The following MRTFA variants were observed in gnomAD, a reference collection of about 807,000 sequenced individuals.
The protein encoded by MRTFA is myocardin related transcription factor A.
Under a neutral mutation model 83.5 loss-of-function variants are expected in MRTFA, and 20 were observed. The observed-to-expected ratio is 0.24, with a 90% CI of 0.17 to 0.35. The LOEUF is 0.35. MRTFA is among the 10% of genes least tolerant of loss of function. The probability of loss-of-function intolerance (pLI) is 1.00; values close to 1 mark genes in which losing one functional copy is unlikely to be tolerated. For synonymous variants in MRTFA, 659 were observed against 541.2 expected (o/e 1.22, Z -3.02); for missense variants, 1,200 against 1,224.7 (o/e 0.98, Z 0.30).
At chr22:40,586,884 AGTGCTGCTGGTGCTGCTG>A (rs71328719) in intron 2 of MRTFA, 27 of 418,868 alleles carry the variant, frequency 6.4e-5, no homozygotes, top group South Asian at 1.2e-4. Flanking sequence ...TTTGGCCTCT[AGTGCTGCTGGTGCTGCTG>A]GTGCTGCTGG....
At chr22:40,477,713 A>G (rs146322984) in intron 3 of MRTFA, among the ~76,000 whole-genome samples, 3 of 152,150 alleles carry the variant, frequency 2.0e-5, no homozygotes, top group African/African-American at 7.2e-5. Flanking sequence ...AAATGATCTT[A>G]TATCAAGCCA....
At chr22:40,631,290 C>G (rs1240186710) in intron 1 of MRTFA, among the ~76,000 whole-genome samples, 1 of 152,182 alleles carries the variant, frequency 6.6e-6, no homozygotes, top group Non-Finnish European at 1.5e-5. Flanking sequence ...TTCACCCAGT[C>G]AGTTCTACGC....
intron 2 of MRTFA, among the ~76,000 whole-genome samples, chr22:40,574,020 G>A (rs917170093): frequency 1.3e-5 from 2 of 152,062 alleles, no homozygotes; most frequent in Non-Finnish European, 2.9e-5. Flanking sequence ...AAAATCCTGG[G>A]ATTACAGGGA....
intron 3 of MRTFA, among the ~76,000 whole-genome samples, chr22:40,488,780 C>A (rs2054217206): frequency 6.6e-6 from 1 of 151,680 alleles, no homozygotes; most frequent in Non-Finnish European, 1.5e-5. Context: ...TTGCAGTGAG[C>A]CAAGATGGCG....
chr22:40,459,824 T>TATATAA (rs2053672050), intron 4 of MRTFA, among the ~76,000 whole-genome samples: 1 of 56,396 alleles, frequency 1.8e-5, no homozygotes, highest in South Asian at 7.2e-4. Context: ...CACACACACA[T>TATATAA]ATATACATAT....
In MRTFA at chr22:40,416,743, T is replaced by C. The variant is rs1338812121; in HGVS notation, c.2578+243A>G. 6.6e-6 allele frequency among the ~76,000 whole-genome samples: 1 copy of C among 152,240 alleles called. No homozygotes were observed. Among genetic ancestry groups the C allele is most frequent in the African/African-American group, 2.4e-5 (1 of 41,466 alleles). ...ACTGTGAGCTCCACAAGGGCAAATG[T>C]CTCTTCTGTTCGTTGGGAGGCGAGG... On this transcript the variant is annotated intron_variant, in intron 14 of 14. Coordinates refer to ENST00000355630, the MANE Select transcript of MRTFA (RefSeq NM_020831.6). This position sits in a 1 kb window ranked among gnomAD's most constrained non-coding sequence, Gnocchi z 4.2.
intron 1 of MRTFA, among the ~76,000 whole-genome samples, chr22:40,625,858 G>A (rs2147443280): frequency 6.6e-6 from 1 of 152,242 alleles, no homozygotes; most frequent in South Asian, 2.1e-4. Context: ...TCCCTTCAAT[G>A]CCACAACCTT....
intron 3 of MRTFA, among the ~76,000 whole-genome samples, chr22:40,517,280 T>C (rs1569307319): frequency 6.6e-6 from 1 of 152,168 alleles, no homozygotes; most frequent in Non-Finnish European, 1.5e-5. Flanking sequence ...TTTTTTACAT[T>C]TACGTTGTAG....
chr22:40,499,546 T>C (rs1282264157), intron 3 of MRTFA, among the ~76,000 whole-genome samples: 2 of 152,172 alleles, frequency 1.3e-5, no homozygotes, highest in African/African-American at 4.8e-5. Context: ...AACATATTTC[T>C]CAAGCCAGAA....
At chr22:40,447,703 C>T (rs985147958) in intron 4 of MRTFA, among the ~76,000 whole-genome samples, 3 of 152,184 alleles carry the variant, frequency 2.0e-5, no homozygotes, top group Admixed American at 6.5e-5. Context: ...TCCCCAATAA[C>T]CTCCACAATG....
At chr22:40,548,580 G>T (rs1460285193) in intron 3 of MRTFA, among the ~76,000 whole-genome samples, 1 of 151,604 alleles carries the variant, frequency 6.6e-6, no homozygotes, top group Non-Finnish European at 1.5e-5. Flanking sequence ...ACCATTTAAG[G>T]CCGGGCCTGG....
chr22:40,451,921 C>G (rs1280562654), intron 4 of MRTFA, among the ~76,000 whole-genome samples: 1 of 148,160 alleles, frequency 6.7e-6, no homozygotes, highest in Non-Finnish European at 1.5e-5. Flanking sequence ...AATTCCAGGT[C>G]ACCTGTGCCC....
chr22:40,491,264 C>T (rs931487345), intron 3 of MRTFA, among the ~76,000 whole-genome samples: 6 of 152,076 alleles, frequency 3.9e-5, no homozygotes, highest in African/African-American at 1.4e-4. Context: ...ATCACTTGGG[C>T]CCAGGAGGTG....
chr22:40,419,240 G>C lies in MRTFA; in HGVS notation c.1498C>G (p.Leu500Val), dbSNP rs561876989. Residue 500 changes from leucine to valine, a missense_variant, in exon 12 of 15, where the codon CTG (leucine) becomes GTG (valine). Coordinates refer to ENST00000355630, the MANE Select transcript of MRTFA (RefSeq NM_020831.6). Reference sequence around the variant, plus strand: ...ACCACCACCTCGCCAGCCTTGTGCAGGATAGAGGTGGCGGCAGGGGCCTTG... The same window carrying C: ...ACCACCACCTCGCCAGCCTTGTGCACGATAGAGGTGGCGGCAGGGGCCTTG... 1 of 1,610,754 alleles carries C rather than the reference G, an allele frequency of 6.2e-7. No individual in the cohort carries two copies. Among genetic ancestry groups the C allele is most frequent in the African/African-American group, 1.3e-5 (1 of 74,874 alleles).
rs2052730551 is a variant in MRTFA, at chr22:40,418,252, A to G, written c.2364+122T>C. 2.0e-6 allele frequency: 3 copies of G among 1,490,180 alleles called. No homozygotes were observed. The Admixed American group carries it at 7.5e-5, about 37-fold the overall frequency. 92.3% of individuals were successfully genotyped at this position (1,490,180 alleles called of 1,614,324 possible). On this transcript the variant is annotated intron_variant, in intron 12 of 14. Transcript: ENST00000355630. ...GTCTCAGTACCCCCCTGGTGAAGGA[A>G]GATTAAATGAAGCAAACACAAAATG...
intron 3 of MRTFA, among the ~76,000 whole-genome samples, chr22:40,465,668 C>T (rs1462109732): frequency 2.0e-5 from 3 of 152,138 alleles, no homozygotes; most frequent in African/African-American, 7.2e-5. Flanking sequence ...TCAACAGATC[C>T]TCCCACCTCA....
At chr22:40,513,472 G>A (rs901889340) in intron 3 of MRTFA, among the ~76,000 whole-genome samples, 2 of 151,854 alleles carry the variant, frequency 1.3e-5, no homozygotes, top group Non-Finnish European at 2.9e-5. Flanking sequence ...ATGGTGGTGT[G>A]TGCCTGTAAT....
chr22:40,419,537 C>T (rs1416027299), intron 11 of MRTFA, among the ~76,000 whole-genome samples, 153 bp from the exon 12 acceptor site: 1 of 152,154 alleles, frequency 6.6e-6, no homozygotes, highest in Non-Finnish European at 1.5e-5. Flanking sequence ...CCCCCCACCA[C>T]CTGAGCCAAC....
intron 1 of MRTFA, among the ~76,000 whole-genome samples, chr22:40,604,437 TGTTA>T (rs1327029433): frequency 6.6e-6 from 1 of 150,890 alleles, no homozygotes; most frequent in Non-Finnish European, 1.5e-5. Flanking sequence ...GCCCTAAAAC[TGTTA>T]GTTACCTAAG....
Sources: allele counts gnomAD v4.1 joint callset (sites outside exome capture counted in the v4.1 genomes callset), GRCh38; gene constraint gnomAD v4.1.1; non-coding constraint Gnocchi (gnomAD v3.1); transcripts MANE v1.5; gene names NCBI Gene and HGNC (gene_info 2026-07-23, HGNC 2026-07-21).